The following RSBN1 variants were observed in gnomAD, a reference collection of about 807,000 sequenced individuals.
The protein encoded by RSBN1 is round spermatid basic protein 1.
Under a neutral mutation model 74.8 loss-of-function variants are expected in RSBN1, and 23 were observed. The observed-to-expected ratio is 0.31, with a 90% CI of 0.22 to 0.44. RSBN1 has a LOEUF of 0.44. Among genes scored for constraint, RSBN1 ranks in the 20% least tolerant of loss-of-function variants. RSBN1 has a pLI of 1.00. For missense variants in RSBN1, 808 were observed against 1,020.9 expected, an observed-to-expected ratio of 0.79 and a Z score of 2.84; for synonymous variants, 407 against 379.6, an observed-to-expected ratio of 1.07 and a Z score of -0.84.
chr1:113,771,673 T>G (rs945640737), intron 4 of RSBN1, among the ~76,000 whole-genome samples: 2 of 150,470 alleles, frequency 1.3e-5, no homozygotes, highest in Non-Finnish European at 3.0e-5. Context: ...GTCAGCGTGG[T>G]TCTGGAAGAA....
intron 4 of RSBN1, among the ~76,000 whole-genome samples, chr1:113,773,637 T>A (rs1255001197): frequency 6.6e-6 from 1 of 152,266 alleles, no homozygotes; most frequent in Non-Finnish European, 1.5e-5. Flanking sequence ...TGAGTGGGTA[T>A]ATAAATTGGT....
rs776888925 is a variant in RSBN1 at position 113,812,284 on chromosome 1, A to C, written c.129T>G (p.Cys43Trp). ...GCGCAGCCATTTCACCCACAAACAC[A>C]CATTTAAATGGCCCGACCGCCCCCC... ...ADGGAVGPFK[C>W]VFVGEMAAQV... Residue 43 changes from cysteine (C) to tryptophan (W), a missense_variant, in exon 1 of 7, where the codon TGT becomes TGG. Coordinates refer to ENST00000261441, the MANE Select transcript of RSBN1 (RefSeq NM_018364.5). 1 of 1,604,952 alleles carries C rather than the reference A, an allele frequency of 6.2e-7. No homozygotes were observed.
At chr1:113,784,145 AAAG>A (rs746645601) in intron 2 of RSBN1, among the ~76,000 whole-genome samples, 6 of 152,192 alleles carry the variant, frequency 3.9e-5, no homozygotes. Flanking sequence ...TGAAAAGATT[AAAG>A]GAGGGACACA....
intron 3 of RSBN1, 25 bp downstream of exon 3, chr1:113,777,646 T>C: frequency 6.3e-6 from 10 of 1,594,828 alleles, no homozygotes; most frequent in Non-Finnish European, 8.6e-6. Context: ...AGATCAAAAC[T>C]TTAATAATCT....
rs1198129353 is a variant in RSBN1 at position 113,812,080 on chromosome 1, G to A, written c.333C>T (p.Pro111=). 3.2e-6 allele frequency: 5 copies of A among 1,581,374 alleles called. No homozygotes were observed. The African/African-American group carries it at 4.1e-5, about 13-fold the overall frequency. ...GGCGGCTGCGACGCCGCCGGTGAGG[G>A]GGAGCGAGAGGGGGCTCCTGGCTCG... is the stretch of plus-strand genomic sequence containing the variant. The part of the protein sequence containing the change: ...GRPSQEPPLA[P]PHRRRRSRQH... Residue 111 remains proline (P), a synonymous_variant, in exon 1 of 7, where the codon CCC becomes CCT. Transcript: ENST00000261441.
At chr1:113,772,510 G>A (rs1027286034) in intron 4 of RSBN1, among the ~76,000 whole-genome samples, 1 of 152,048 alleles carries the variant, frequency 6.6e-6, no homozygotes, top group Non-Finnish European at 1.5e-5. Flanking sequence ...ATTTTCCATT[G>A]TAAGTCTTGC....
intron 4 of RSBN1, among the ~76,000 whole-genome samples, chr1:113,775,621 G>A (rs867773291): frequency 5.9e-5 from 9 of 152,250 alleles, no homozygotes; most frequent in South Asian, 2.1e-4. Flanking sequence ...ACAGGTGTGA[G>A]CCACTGCACC....
intron 2 of RSBN1, among the ~76,000 whole-genome samples, chr1:113,795,660 G>GAAAATAAAAAAA (rs1660456357): frequency 6.6e-6 from 1 of 152,116 alleles, no homozygotes; most frequent in Non-Finnish European, 1.5e-5. Flanking sequence ...CTTAAAAAGT[G>GAAAATAAAAAAA]GTTATTTTTT....
intron 2 of RSBN1, among the ~76,000 whole-genome samples, chr1:113,790,207 A>G (rs1053239462): frequency 6.6e-6 from 1 of 152,148 alleles, no homozygotes; most frequent in African/African-American, 2.4e-5. Flanking sequence ...GTAGCGGGTA[A>G]CTGACATCAA....
intron 2 of RSBN1, among the ~76,000 whole-genome samples, chr1:113,794,765 CTG>C (rs970971960): frequency 3.3e-5 from 5 of 152,140 alleles, no homozygotes; most frequent in African/African-American, 1.2e-4. Context: ...AAGTAGTACT[CTG>C]TATTATAATT....
chr1:113,809,184 A>G (rs1412574776), intron 1 of RSBN1, among the ~76,000 whole-genome samples: 1 of 152,220 alleles, frequency 6.6e-6, no homozygotes, highest in East Asian at 1.9e-4. Flanking sequence ...GCATAATAAA[A>G]TAATAAAGGC....
At chr1:113,774,658 C>T (rs556265452) in intron 4 of RSBN1, among the ~76,000 whole-genome samples, 26 of 152,042 alleles carry the variant, frequency 1.7e-4, no homozygotes, top group African/African-American at 6.3e-4. Flanking sequence ...GCCTGGGTGA[C>T]AGAGCAAGAC....
At chr1:113,783,457 G>GAA (rs35426448) in intron 2 of RSBN1, among the ~76,000 whole-genome samples, 10 of 140,398 alleles carry the variant, frequency 7.1e-5, no homozygotes, top group Admixed American at 1.4e-4. Context: ...AGGCTGACAA[G>GAA]AAAAAAAAAA....
At position 113,762,225 on chromosome 1, in the gene RSBN1, A is replaced by G. The variant is rs993718489; in HGVS notation, c.*3755T>C. 6 of 152,812 alleles carry G rather than the reference A, an allele frequency of 3.9e-5. No homozygotes were observed. The highest frequency in any genetic ancestry group is 4.1e-4 in the South Asian group (2 of 4,834). 9.5% of individuals were successfully genotyped at this position (152,812 alleles called of 1,614,324 possible). On this transcript the variant is annotated 3_prime_UTR_variant, in exon 7 of 7. Coordinates refer to ENST00000261441, the MANE Select transcript of RSBN1 (RefSeq NM_018364.5). ...AATTTACAACATGTGATAGTAGTAC[A>G]TAAGTATTTCTTTAGAGAGAATTGA...
chr1:113,763,998 A>G lies in RSBN1; in HGVS notation c.*1982T>C, dbSNP rs1659735757. The G allele has an allele frequency of 6.6e-6, 1 of 152,396 alleles. No homozygotes were observed. The highest frequency in any genetic ancestry group is 2.4e-5 in the African/African-American group (1 of 41,452). The allele number at this position is 152,396 out of a possible 1,614,324, so 9.4% of individuals were successfully genotyped here. A position where few individuals can be genotyped will look rare whatever the true frequency, so the allele number is the denominator to read the frequency against. ...CTCTTCATGATTATTTTTAAAAGCA[A>G]ATGTTGCCTGAGAAGAATTTTACTT... On this transcript the variant is annotated 3_prime_UTR_variant, in exon 7 of 7. Coordinates refer to ENST00000261441, the MANE Select transcript of RSBN1 (RefSeq NM_018364.5).
chr1:113,788,984 T>C (rs1660312019), intron 2 of RSBN1, among the ~76,000 whole-genome samples: 1 of 151,760 alleles, frequency 6.6e-6, no homozygotes, highest in Non-Finnish European at 1.5e-5. Context: ...AAATAGTGAG[T>C]GTGATATTGT....
chr1:113,794,695 T>A (rs966198415), intron 2 of RSBN1, among the ~76,000 whole-genome samples: 2 of 152,236 alleles, frequency 1.3e-5, no homozygotes, highest in Non-Finnish European at 2.9e-5. Context: ...CAAGTCTGCA[T>A]TAGGTAACAC....
intron 2 of RSBN1, among the ~76,000 whole-genome samples, chr1:113,784,500 AG>A (rs1328717638): frequency 2.0e-5 from 3 of 152,196 alleles, no homozygotes; most frequent in African/African-American, 7.2e-5. Flanking sequence ...GGAAAAGGGC[AG>A]GGGGTTGGCA....
intron 3 of RSBN1, 63 bp downstream of exon 3, chr1:113,777,608 T>C (rs1480585963): frequency 6.8e-7 from 1 of 1,467,302 alleles, no homozygotes; most frequent in African/African-American, 1.4e-5. Context: ...TAAATACTCT[T>C]CAACATATAA....
Sources: gnomAD v4.1 joint callset for allele counts (sites outside exome capture counted in the v4.1 genomes callset) on GRCh38, gnomAD v4.1.1 for gene constraint, MANE v1.5 for transcripts, NCBI Gene and HGNC (gene_info 2026-07-23, HGNC 2026-07-21) for gene names.